Variants in SCOC observed in about 807,000 individuals in gnomAD.
The protein encoded by SCOC is short coiled coil protein.
SCOC carries 7 observed loss-of-function variants against 9.9 expected under a neutral mutation model. The observed-to-expected ratio is 0.71, with a 90% CI of 0.40 to 1.33. The LOEUF is 1.33. SCOC is among the 40% of genes most tolerant of loss of function. The pLI, the probability that SCOC is intolerant of heterozygous loss-of-function variation, is 0.01. For missense variants in SCOC, 66 were observed against 89.7 expected, an observed-to-expected ratio of 0.74 and a Z score of 1.07; for synonymous variants, 19 against 28.2, an observed-to-expected ratio of 0.67 and a Z score of 1.03.
intron 1 of SCOC, among the ~76,000 whole-genome samples, chr4:140,264,643 CA>C (rs1462151156): frequency 6.6e-6 from 1 of 152,144 alleles, no homozygotes; most frequent in African/African-American, 2.4e-5. Flanking sequence ...GGGTGGAGGC[CA>C]ACCAAAACAA....
At chr4:140,260,400 A>G (rs1247033376) in intron 1 of SCOC, among the ~76,000 whole-genome samples, 1 of 152,242 alleles carries the variant, frequency 6.6e-6, no homozygotes, top group East Asian at 1.9e-4. Context: ...GCACGTGTTG[A>G]AATGATGGCG....
intron 1 of SCOC, among the ~76,000 whole-genome samples, chr4:140,280,506 T>G (rs972835658): frequency 1.3e-5 from 2 of 152,166 alleles, no homozygotes; most frequent in Non-Finnish European, 2.9e-5. Context: ...GTCTTGTTTC[T>G]CTTTATGCTT....
chr4:140,361,387 A>T (rs1489470605), intron 2 of SCOC, among the ~76,000 whole-genome samples: 2 of 152,184 alleles, frequency 1.3e-5, no homozygotes, highest in Admixed American at 1.3e-4. Flanking sequence ...ATTTTAGGCC[A>T]GCGCAGTGGC....
At chr4:140,295,800 G>C (rs919021591) in intron 1 of SCOC, among the ~76,000 whole-genome samples, 1 of 151,894 alleles carries the variant, frequency 6.6e-6, no homozygotes, top group African/African-American at 2.4e-5. Context: ...GCGCGGTGGC[G>C]GGCGCCTGTA....
chr4:140,326,629 T>A (rs1407699945), intron 1 of SCOC, among the ~76,000 whole-genome samples: 3 of 89,852 alleles, frequency 3.3e-5, no homozygotes, highest in African/African-American at 4.5e-5. Context: ...ATTTCTCAAA[T>A]GAGTTATAGG....
chr4:140,279,961 T>C (rs1731062722), intron 1 of SCOC, among the ~76,000 whole-genome samples: 1 of 152,340 alleles, frequency 6.6e-6, no homozygotes, highest in East Asian at 1.9e-4. Context: ...AAATACATTT[T>C]AGTTATTGTG....
At chr4:140,348,926 A>C (rs1002708338) in intron 2 of SCOC, among the ~76,000 whole-genome samples, 4 of 152,246 alleles carry the variant, frequency 2.6e-5, no homozygotes, top group African/African-American at 9.6e-5. Flanking sequence ...ATGTTATCTC[A>C]TGGTGGTTTT....
At chr4:140,365,618 T>C (rs1289414837) in intron 2 of SCOC, among the ~76,000 whole-genome samples, 1 of 152,216 alleles carries the variant, frequency 6.6e-6, no homozygotes, top group East Asian at 1.9e-4. Flanking sequence ...TTCTCCTCCA[T>C]CTCTTCTGCC....
At chr4:140,298,513 A>G (rs1731714825) in intron 1 of SCOC, among the ~76,000 whole-genome samples, 1 of 152,136 alleles carries the variant, frequency 6.6e-6, no homozygotes. Context: ...GTGGGTAAGG[A>G]GGACATCTGT....
chr4:140,307,430 G>T (rs1331542175), intron 1 of SCOC, among the ~76,000 whole-genome samples: 1 of 152,180 alleles, frequency 6.6e-6, no homozygotes, highest in African/African-American at 2.4e-5. Flanking sequence ...GCAATCACTT[G>T]TCTTGACCCA....
rs556744561 is a variant in SCOC, at chr4:140,351,414, C to G, written c.70+7706C>G. 1.1e-4 allele frequency among the ~76,000 whole-genome samples: 16 copies of G among 152,190 alleles called. 1 individual carries two copies. The South Asian group carries it at 3.3e-3, about 32-fold the overall frequency. On this transcript the variant is annotated intron_variant, in intron 2 of 4. Transcript: ENST00000338517. ...TTCCCCTCTTCATGCCGGCCCTCGCCGCCTCCCCGTCGATGTCCTTCCCAT... is the reference window on the plus strand; with the variant it reads ...TTCCCCTCTTCATGCCGGCCCTCGCGGCCTCCCCGTCGATGTCCTTCCCAT...
At chr4:140,326,646 C>G (rs994093289) in intron 1 of SCOC, among the ~76,000 whole-genome samples, 7 of 20,486 alleles carry the variant, frequency 3.4e-4, no homozygotes, top group Admixed American at 1.3e-3. Context: ...TAGGCAGACC[C>G]CCCCCCCTAC....
chr4:140,342,003 C>G (rs1418131120), upstream of SCOC, among the ~76,000 whole-genome samples: 1 of 152,178 alleles, frequency 6.6e-6, no homozygotes, highest in African/African-American at 2.4e-5. Context: ...GTCCCTCCAA[C>G]CTTTCTGCCT....
intron 2 of SCOC, among the ~76,000 whole-genome samples, chr4:140,348,175 T>C (rs1419238158): frequency 6.6e-6 from 1 of 152,126 alleles, no homozygotes; most frequent in Non-Finnish European, 1.5e-5. Context: ...ACACTTAAAA[T>C]CTACTCTCTT....
At chr4:140,336,776 T>C (rs1361093648) in intron 1 of SCOC, among the ~76,000 whole-genome samples, 1 of 152,228 alleles carries the variant, frequency 6.6e-6, no homozygotes, top group Non-Finnish European at 1.5e-5. Flanking sequence ...ATGATAACTC[T>C]ATGTTTAACT....
chr4:140,295,041 GCA>G (rs1255139664), intron 1 of SCOC, among the ~76,000 whole-genome samples: 1 of 152,132 alleles, frequency 6.6e-6, no homozygotes, highest in Non-Finnish European at 1.5e-5. Flanking sequence ...GTTAAATAAA[GCA>G]CAGTTAGGAA....
At chr4:140,358,656 T>C (rs1168747362) in intron 2 of SCOC, among the ~76,000 whole-genome samples, 1 of 152,204 alleles carries the variant, frequency 6.6e-6, no homozygotes, top group East Asian at 1.9e-4. Flanking sequence ...GTACTAGTTA[T>C]ACAACACCCT....
chr4:140,373,692 C>T lies in SCOC; in HGVS notation c.-76C>T, dbSNP rs1040903851. 1.3e-5 allele frequency: 20 copies of T among 1,549,714 alleles called. 1 individual carries two copies. The South Asian group carries it at 2.1e-4, about 17-fold the overall frequency. ...GGCCTGAGGTGTCGGCCGGATCCCT[C>T]CTTCTCCCGGCGCCTCAAGCGGAAG... On this transcript the variant is annotated 5_prime_UTR_variant, in exon 1 of 4. Transcript: ENST00000608372.
chr4:140,291,933 AGT>A (rs1418037644), intron 1 of SCOC, among the ~76,000 whole-genome samples: 1 of 152,174 alleles, frequency 6.6e-6, no homozygotes, highest in African/African-American at 2.4e-5. Flanking sequence ...ATGGTTTTAT[AGT>A]GTCATTCTAC....
Sources: allele counts gnomAD v4.1 joint callset (sites outside exome capture counted in the v4.1 genomes callset), GRCh38; gene constraint gnomAD v4.1.1; transcripts MANE v1.5; gene names NCBI Gene and HGNC (gene_info 2026-07-23, HGNC 2026-07-21).